Variants in CHD1L observed in about 807,000 individuals in gnomAD.
The protein encoded by CHD1L is chromodomain helicase DNA binding protein 1 like.
CHD1L carries 118 observed loss-of-function variants against 115.9 expected under a neutral mutation model. That is an observed-to-expected ratio of 1.02 (90% confidence interval 0.88 to 1.19). CHD1L has a LOEUF of 1.19. Among genes scored for constraint, CHD1L ranks in the 50% most tolerant of loss-of-function variants. The pLI, the probability that CHD1L is intolerant of heterozygous loss-of-function variation, is 0.00. For synonymous variants in CHD1L, 411 were observed against 387.1 expected (o/e 1.06, Z -0.72); for missense variants, 1,179 against 1,065.3 (o/e 1.11, Z -1.49).
chr1:147,189,158 T>C, the CHD1L span, among the ~76,000 whole-genome samples: 6 of 151,640 alleles, frequency 4.0e-5, no homozygotes, highest in Admixed American at 1.3e-4. Context: ...CCTGTAGTCC[T>C]AGCTACTCAG....
At chr1:147,220,572 T>C in the CHD1L span, among the ~76,000 whole-genome samples, 1 of 152,210 alleles carries the variant, frequency 6.6e-6, no homozygotes, top group Non-Finnish European at 1.5e-5. Context: ...GGAGCAACTT[T>C]ACAGTGTGGC....
At chr1:147,257,175 A>G (rs1553940990) in intron 5 of CHD1L, among the ~76,000 whole-genome samples, 1 of 151,930 alleles carries the variant, frequency 6.6e-6, no homozygotes, top group East Asian at 1.9e-4. Context: ...TAGGTAAGAA[A>G]GATATGTTGA....
chr1:147,275,493 T>C (rs1678028295), intron 13 of CHD1L, 25 bp downstream of exon 13: 3 of 1,564,510 alleles, frequency 1.9e-6, no homozygotes. Flanking sequence ...TCTGCTTCCT[T>C]GGCTTGCCCA....
chr1:147,285,468 G>A lies in CHD1L; in HGVS notation c.1999G>A (p.Glu667Lys), dbSNP rs782422534. ...AGAGGAGAAGAAGAGGCAAAAGGAA[G>A]AGGCTGAACATAAGAAAAAGTATGT... ...LIEEKKRQKEEAEHKKKMAWW... is the reference protein window; with the variant it reads ...LIEEKKRQKEKAEHKKKMAWW... The change falls in exon 17 of 23, where the codon GAG (glutamate) becomes AAG (lysine). Residue 667 changes from glutamate (E) to lysine (K), a missense_variant. Physicochemically the swap from Glu to Lys is moderately conservative, Grantham distance 56. Transcript: ENST00000369258. The A allele has an allele frequency of 6.2e-7, 1 of 1,612,004 alleles. No individual in the cohort carries two copies. The highest frequency in any genetic ancestry group is 1.1e-5 in the South Asian group (1 of 90,756).
intron 14 of CHD1L, among the ~76,000 whole-genome samples, chr1:147,277,013 C>T (rs1421216011): frequency 6.6e-6 from 1 of 152,000 alleles, no homozygotes; most frequent in East Asian, 1.9e-4. Context: ...GAAGGAAGGA[C>T]AGGAGTTGGC....
the CHD1L span, chr1:147,178,092 G>C: frequency 1.3e-6 from 2 of 1,484,348 alleles, no homozygotes; most frequent in Non-Finnish European, 1.8e-6. Flanking sequence ...CCTTCCGGCT[G>C]CCCCCACCCC....
chr1:147,247,530 C>T (rs1261661643), intron 1 of CHD1L, among the ~76,000 whole-genome samples: 4 of 152,176 alleles, frequency 2.6e-5, no homozygotes, highest in Admixed American at 6.5e-5. Flanking sequence ...TGGAAACAGT[C>T]TGAAGCCCTC....
At chr1:147,233,871 T>G in the CHD1L span, among the ~76,000 whole-genome samples, 319 of 152,040 alleles carry the variant, frequency 2.1e-3, no homozygotes, top group Non-Finnish European at 3.5e-3. Context: ...CAAGATGTGC[T>G]TTGTTAAACA....
At chr1:147,209,115 C>A in the CHD1L span, 2 of 1,423,096 alleles carry the variant, frequency 1.4e-6, no homozygotes, top group Admixed American at 3.7e-5. Flanking sequence ...AAAGCACCCC[C>A]ATTTTCTTCA....
intron 14 of CHD1L, among the ~76,000 whole-genome samples, chr1:147,278,348 C>T (rs1276164032): frequency 1.1e-4 from 17 of 150,480 alleles, no homozygotes; most frequent in Admixed American, 4.0e-4. Flanking sequence ...CCTCAGCCTC[C>T]TGAGTAGCTG....
At chr1:147,205,565 C>G in the CHD1L span, among the ~76,000 whole-genome samples, 1 of 151,966 alleles carries the variant, frequency 6.6e-6, no homozygotes, top group African/African-American at 2.4e-5. Context: ...AGAATTATTT[C>G]TTATATAGAC....
chr1:147,265,837 T>G, intron 7 of CHD1L, 95 bp from the exon 8 acceptor site: 1 of 1,194,964 alleles, frequency 8.4e-7, no homozygotes, highest in Non-Finnish European at 1.1e-6. Flanking sequence ...AAGCGTGAAA[T>G]AAGAAACAAA....
chr1:147,246,450 G>T (rs1210943706), intron 1 of CHD1L, among the ~76,000 whole-genome samples: 7 of 152,226 alleles, frequency 4.6e-5, no homozygotes, highest in Non-Finnish European at 2.9e-5. Context: ...TCATATGGTA[G>T]TTGCATGTTT....
chr1:147,251,025 G>C (rs1413785115), intron 1 of CHD1L, among the ~76,000 whole-genome samples: 8 of 152,174 alleles, frequency 5.3e-5, no homozygotes, highest in Non-Finnish European at 1.0e-4. Context: ...TGTAAGATGT[G>C]ACTTTGCCCC....
At chr1:147,227,552 C>G in the CHD1L span, among the ~76,000 whole-genome samples, 2 of 152,172 alleles carry the variant, frequency 1.3e-5, no homozygotes, top group African/African-American at 4.8e-5. Flanking sequence ...CTCAAATGTT[C>G]TCTCTCTTGC....
At chr1:147,218,087 C>T in the CHD1L span, among the ~76,000 whole-genome samples, 1 of 152,134 alleles carries the variant, frequency 6.6e-6, no homozygotes, top group East Asian at 1.9e-4. Flanking sequence ...ATATGTATCT[C>T]CCAAAATTTT....
At chr1:147,261,441 G>A (rs971925246) in intron 6 of CHD1L, among the ~76,000 whole-genome samples, 4 of 149,092 alleles carry the variant, frequency 2.7e-5, no homozygotes, top group Admixed American at 6.7e-5. Context: ...TCTTATTCAC[G>A]AGGGAAAAGT....
intron 18 of CHD1L, 141 bp from the exon 19 acceptor site, chr1:147,287,494 T>C (rs1572153254): frequency 1.7e-6 from 1 of 577,402 alleles, no homozygotes; most frequent in East Asian, 2.9e-5. Flanking sequence ...CAACCTGTGA[T>C]ATTCCTAGGA....
Position 147,256,522 on chromosome 1 carries a change from A to G in CHD1L, c.463-9A>G. 6.2e-7 allele frequency: 1 copy of G among 1,612,836 alleles called. No homozygotes were observed. On this transcript the variant is annotated splice_polypyrimidine_tract_variant and intron_variant, in intron 4 of 22. Coordinates refer to ENST00000369258, the MANE Select transcript of CHD1L (RefSeq NM_004284.6). ...CCAGCCTTTATAACGTGTCTTCCTA[A>G]TTTTTCAGATTTGCTTGAAAGATGC...
Sources: gnomAD v4.1 joint callset for allele counts (sites outside exome capture counted in the v4.1 genomes callset) on GRCh38, gnomAD v4.1.1 for gene constraint, MANE v1.5 for transcripts, NCBI Gene and HGNC (gene_info 2026-07-23, HGNC 2026-07-21) for gene names.